BTRC: variants seen among roughly 807,000 people sequenced by gnomAD.
The protein encoded by BTRC is beta-transducin repeat containing E3 ubiquitin protein ligase.
BTRC carries 42 observed loss-of-function variants against 85.5 expected under a neutral mutation model. The ratio of observed to expected loss-of-function variants is 0.49; its 90% CI spans 0.38 to 0.64. BTRC has a LOEUF of 0.64. BTRC is among the 30% of genes least tolerant of loss of function. BTRC has a pLI of 0.00. For missense variants in BTRC, 594 were observed against 743.5 expected (o/e 0.80, Z 2.34); for synonymous variants, 255 against 263.3 (o/e 0.97, Z 0.30).
chr10:101,459,507 G>A (rs1945166658), intron 2 of BTRC, among the ~76,000 whole-genome samples: 1 of 152,106 alleles, frequency 6.6e-6, no homozygotes, highest in Non-Finnish European at 1.5e-5. Context: ...TTTTTTGTTT[G>A]ATTTGATTTC....
chr10:101,548,088 T>TA (rs769377790), intron 13 of BTRC, among the ~76,000 whole-genome samples: 13 of 152,232 alleles, frequency 8.5e-5, no homozygotes, highest in Non-Finnish European at 1.5e-4. Flanking sequence ...AGATTGGTAA[T>TA]ATCAATTTTT....
At chr10:101,366,786 ATATTTTTACATT>A (rs1942393572) in intron 1 of BTRC, among the ~76,000 whole-genome samples, 7 of 74,352 alleles carry the variant, frequency 9.4e-5, no homozygotes, top group Admixed American at 7.0e-4. Context: ...ATATATATAT[ATATTTTTACATT>A]TATATATATA....
chr10:101,472,270 T>C (rs1381546345), intron 3 of BTRC, among the ~76,000 whole-genome samples: 1 of 134,740 alleles, frequency 7.4e-6, no homozygotes, highest in Non-Finnish European at 1.6e-5. Flanking sequence ...TTTTCTTTTC[T>C]TTTCCTCTCT....
At chr10:101,534,281 C>A (rs2062349821) in intron 9 of BTRC, among the ~76,000 whole-genome samples, 2 of 152,156 alleles carry the variant, frequency 1.3e-5, no homozygotes, top group South Asian at 4.1e-4. Context: ...GTGACAGAAG[C>A]ATCTTGGCCT....
intron 2 of BTRC, among the ~76,000 whole-genome samples, chr10:101,440,305 C>T (rs1320776605): frequency 6.6e-6 from 1 of 151,736 alleles, no homozygotes; most frequent in South Asian, 2.1e-4. Flanking sequence ...TCTAAGGAAG[C>T]ACTATTGATG....
chr10:101,394,564 A>G (rs79931370), intron 1 of BTRC, among the ~76,000 whole-genome samples: 20,968 of 152,238 alleles, frequency 0.14, 1,863 homozygotes, highest in Non-Finnish European at 0.2. Flanking sequence ...TCCACAAAAT[A>G]CATAGTCACA....
intron 2 of BTRC, among the ~76,000 whole-genome samples, chr10:101,459,579 G>A (rs1379137885): frequency 2.0e-5 from 3 of 152,124 alleles, no homozygotes; most frequent in Admixed American, 1.3e-4. Context: ...ACATACCAAT[G>A]TTTATGGGTT....
chr10:101,481,400 T>C (rs1356037719), intron 4 of BTRC, among the ~76,000 whole-genome samples: 1 of 152,044 alleles, frequency 6.6e-6, no homozygotes, highest in African/African-American at 2.4e-5. Context: ...CTAAATAAGG[T>C]AAAATTTTAG....
intron 3 of BTRC, among the ~76,000 whole-genome samples, chr10:101,468,459 G>A (rs940252424): frequency 1.3e-4 from 19 of 151,980 alleles, no homozygotes; most frequent in African/African-American, 4.4e-4. Context: ...AAAAAAATCT[G>A]CCCTAAAAAC....
chr10:101,521,969 AT>A, intron 5 of BTRC, 99 bp downstream of exon 5: 1 of 379,226 alleles, frequency 2.6e-6, no homozygotes, highest in Non-Finnish European at 3.9e-6. Context: ...TATTGGCTTG[AT>A]TTTTACAAAT....
At position 101,519,140 on chromosome 10, in the gene BTRC, G is replaced by A. The variant is rs560280412; in HGVS notation, c.325-2499G>A. Reference sequence around the variant, plus strand: ...GTTGCCCAGGCTGGAGTGCAATGGCGTGATCTCTCCTCACTGCAATCTCCA... The same window carrying A: ...GTTGCCCAGGCTGGAGTGCAATGGCATGATCTCTCCTCACTGCAATCTCCA... On this transcript the variant is annotated intron_variant, in intron 4 of 14. Coordinates refer to ENST00000370187, the MANE Select transcript of BTRC (RefSeq NM_033637.4). 1.4e-4 allele frequency among the ~76,000 whole-genome samples: 21 copies of A among 148,730 alleles called. No homozygotes were observed. The Admixed American group carries it at 1.4e-3, about 10-fold the overall frequency.
intron 14 of BTRC, among the ~76,000 whole-genome samples, chr10:101,552,178 C>CATTTTATTTT (rs1197871533): frequency 1.3e-5 from 2 of 150,408 alleles, no homozygotes; most frequent in African/African-American, 4.9e-5. Flanking sequence ...TATTTTATTT[C>CATTTTATTTT]ATTTTATTTT....
In BTRC at chr10:101,376,182, C is replaced by T. The variant is rs537102423; in HGVS notation, c.48+21954C>T. On this transcript the variant is annotated intron_variant, in intron 1 of 14. Coordinates refer to ENST00000370187, the MANE Select transcript of BTRC (RefSeq NM_033637.4). ...CTCTACTAAAAATAAAAAAATTAGCCGCTCATGGTGGCCCAGGCCTGTAGT... is the reference window on the plus strand; with the variant it reads ...CTCTACTAAAAATAAAAAAATTAGCTGCTCATGGTGGCCCAGGCCTGTAGT... 3.3e-5 allele frequency among the ~76,000 whole-genome samples: 5 copies of T among 152,268 alleles called. No homozygotes were observed. In the South Asian group the frequency reaches 8.3e-4, roughly 25 times the overall value.
chr10:101,484,145 T>G (rs770643834), intron 4 of BTRC, among the ~76,000 whole-genome samples: 1 of 152,138 alleles, frequency 6.6e-6, no homozygotes, highest in Non-Finnish European at 1.5e-5. Context: ...TTAGTTGTTA[T>G]TGGTTGTTGT....
At position 101,442,889 on chromosome 10, in the gene BTRC, C is replaced by CTT. The variant is rs755689728; in HGVS notation, c.156+12456_156+12457dup. Among the ~76,000 whole-genome samples, 678 of 122,302 alleles carry CTT rather than the reference C, an allele frequency of 5.5e-3. 18 individuals are homozygous for CTT. Among genetic ancestry groups the CTT allele is most frequent in the African/African-American group, 0.014 (430 of 31,360 alleles). The allele number at this position is 122,302 out of a possible 152,430, so 80.2% of individuals were successfully genotyped here. On this transcript the variant is annotated intron_variant, in intron 2 of 14. Transcript: ENST00000370187. The stretch of plus-strand genomic sequence containing the variant: ...GTAAGTTGTACAGATCTCACTTGCT[C>CTT]TTTTTTTTTTTTTTTTTTTTGAGAC...
At chr10:101,520,527 C>T (rs776529269) in intron 4 of BTRC, among the ~76,000 whole-genome samples, 14 of 152,070 alleles carry the variant, frequency 9.2e-5, no homozygotes, top group African/African-American at 2.4e-4. Context: ...ATGGGAAATA[C>T]GGAATATTTT....
chr10:101,447,629 G>A (rs1055853550), intron 2 of BTRC, among the ~76,000 whole-genome samples: 1 of 151,852 alleles, frequency 6.6e-6, no homozygotes, highest in Admixed American at 6.6e-5. Flanking sequence ...ATTCCATAAC[G>A]CAACAAGTGC....
chr10:101,542,808 C>T (rs1247997347), intron 13 of BTRC, among the ~76,000 whole-genome samples: 1 of 152,148 alleles, frequency 6.6e-6, no homozygotes, highest in Non-Finnish European at 1.5e-5. Context: ...CTCCTGGGCT[C>T]AACCTCGACA....
chr10:101,496,337 A>G (rs1446713096), intron 4 of BTRC, among the ~76,000 whole-genome samples: 2 of 152,100 alleles, frequency 1.3e-5, no homozygotes, highest in Admixed American at 6.5e-5. Flanking sequence ...TCACCAACCA[A>G]CACTTGGTGT....
Sources: allele counts gnomAD v4.1 joint callset (sites outside exome capture counted in the v4.1 genomes callset), GRCh38; gene constraint gnomAD v4.1.1; transcripts MANE v1.5; gene names NCBI Gene and HGNC (gene_info 2026-07-23, HGNC 2026-07-21).